KCNQ1: variants seen among roughly 807,000 people sequenced by gnomAD.
The protein encoded by KCNQ1 is potassium voltage-gated channel subfamily Q member 1.
KCNQ1 carries 49 observed loss-of-function variants against 72.4 expected under a neutral mutation model. The ratio of observed to expected loss-of-function variants is 0.68; its 90% CI spans 0.54 to 0.86. KCNQ1 has a LOEUF of 0.86. Ranked by LOEUF, KCNQ1 falls within the 40% of genes least tolerant of loss-of-function variation. The probability of loss-of-function intolerance (pLI) is 0.00; values close to 1 mark genes in which losing one functional copy is unlikely to be tolerated. For synonymous variants in KCNQ1, 450 were observed against 412.6 expected (o/e 1.09, Z -1.10); for missense variants, 790 against 945.1 (o/e 0.84, Z 2.15).
At position 2,612,136 on chromosome 11, in the gene KCNQ1, T is replaced by A. The variant is rs1190286407; in HGVS notation, c.1393+23282T>A. On this transcript the variant is annotated intron_variant, in intron 10 of 15. Coordinates refer to ENST00000155840, the MANE Select transcript of KCNQ1 (RefSeq NM_000218.3). The surrounding 1 kb of genome is among the most constrained non-coding windows in gnomAD (Gnocchi z 5.5). ...CCAGGGCCATGGACTGGTACCAGTC[T>A]GTGGCCTATTAGAAACTGGGCTACA... The A allele has an allele frequency of 5.3e-5, 21 of 398,534 alleles. No homozygotes were observed. Among genetic ancestry groups the A allele is most frequent in the Non-Finnish European group, 2.7e-5 (6 of 226,078 alleles). The allele number at this position is 398,534 out of a possible 1,614,324, so 24.7% of individuals were successfully genotyped here.
rs916771671 is a variant in KCNQ1, at chr11:2,526,601, G to T, written c.387-1327G>T. Among the ~76,000 whole-genome samples the T allele has an allele frequency of 6.6e-6, 1 of 151,718 alleles. No homozygotes were observed. Among genetic ancestry groups the T allele is most frequent in the Non-Finnish European group, 1.5e-5 (1 of 67,912 alleles). On this transcript the variant is annotated intron_variant, in intron 1 of 15. Coordinates refer to ENST00000155840, the MANE Select transcript of KCNQ1 (RefSeq NM_000218.3). This position sits in a 1 kb window ranked among gnomAD's most constrained non-coding sequence, Gnocchi z 6.1. ...AGCCCCACCTTCCCCAGAAACCTCC[G>T]TGCAGCAGGAGGATGAGCCGAGGCA...
intron 13 of KCNQ1, among the ~76,000 whole-genome samples, chr11:2,776,501 C>T (rs983659254): frequency 6.6e-6 from 1 of 152,326 alleles, no homozygotes; most frequent in Non-Finnish European, 1.5e-5. Flanking sequence ...GGGTCTCCCC[C>T]AGACTGGCCT....
At chr11:2,733,809 CA>C in intron 11 of KCNQ1, among the ~76,000 whole-genome samples, 1 of 74,442 alleles carries the variant, frequency 1.3e-5, no homozygotes, top group Non-Finnish European at 3.0e-5. Flanking sequence ...CACACACACA[CA>C]CACACTCTCT....
rs1295104033 is a variant in KCNQ1, at chr11:2,826,090, C to A, written c.1795-21677C>A. Among the ~76,000 whole-genome samples, 1 of 152,260 alleles carries A rather than the reference C, an allele frequency of 6.6e-6. No individual in the cohort carries two copies. The highest frequency in any genetic ancestry group is 6.5e-5 in the Admixed American group (1 of 15,292). On this transcript the variant is annotated intron_variant, in intron 15 of 15. Transcript: ENST00000155840. The surrounding 1 kb of genome is among the most constrained non-coding windows in gnomAD (Gnocchi z 4.2). Reference sequence around the variant, plus strand: ...GTGAGTTATAAGCCTCCACAGCAAGCAGCCTGTTACCTAACCAGGCCTGGC... The same window carrying A: ...GTGAGTTATAAGCCTCCACAGCAAGAAGCCTGTTACCTAACCAGGCCTGGC...
intron 6 of KCNQ1, among the ~76,000 whole-genome samples, chr11:2,575,460 G>T (rs1419350097): frequency 1.3e-5 from 2 of 152,208 alleles, no homozygotes; most frequent in East Asian, 3.9e-4. Context: ...TGAGTTATGG[G>T]CTGTGTTCCT....
chr11:2,661,803 C>T lies in KCNQ1; in HGVS notation c.1394-158C>T, dbSNP rs1849960872. 1 of 847,038 alleles carries T rather than the reference C, an allele frequency of 1.2e-6. No individual in the cohort carries two copies. Among genetic ancestry groups the T allele is most frequent in the Non-Finnish European group, 1.9e-6 (1 of 523,372 alleles). 52.5% of individuals were successfully genotyped at this position (847,038 alleles called of 1,614,324 possible). On this transcript the variant is annotated intron_variant, in intron 10 of 15. Transcript: ENST00000155840. This position sits in a 1 kb window ranked among gnomAD's most constrained non-coding sequence, Gnocchi z 5.9. ...CTTTGGGGCCATCTTAAACACCCAC[C>T]CACCCCAACACCCAACTATAAAACT...
chr11:2,717,223 C>T lies in KCNQ1; in HGVS notation c.1515-51621C>T, dbSNP rs150141372. Among the ~76,000 whole-genome samples the T allele has an allele frequency of 3.5e-3, 530 of 152,262 alleles. 2 individuals carry two copies. Among genetic ancestry groups the T allele is most frequent in the African/African-American group, 0.012 (489 of 41,558 alleles). Reference sequence around the variant, plus strand: ...CTGGCATGGTGTCCCTCAGACCCCACGGCTTGGTCGGGTCACCTGGGCCAT... The same window carrying T: ...CTGGCATGGTGTCCCTCAGACCCCATGGCTTGGTCGGGTCACCTGGGCCAT... On this transcript the variant is annotated intron_variant, in intron 11 of 15. Transcript: ENST00000155840.
chr11:2,558,776 A>T (rs1406739475), intron 2 of KCNQ1, among the ~76,000 whole-genome samples: 1 of 151,650 alleles, frequency 6.6e-6, no homozygotes, highest in Non-Finnish European at 1.5e-5. Flanking sequence ...GAGAGGCCCC[A>T]CTCTCCTCCC....
Position 2,679,035 on chromosome 11 carries a change from G to A in KCNQ1, c.1514+16954G>A, listed in dbSNP as rs1850342537. ...AACATAATCTAAAACTTGTAGCCCA[G>A]CCCCTCCTCCATACCAACCACCAAA... is the stretch of plus-strand genomic sequence containing the variant. On this transcript the variant is annotated intron_variant, in intron 11 of 15. Transcript: ENST00000155840. This position sits in a 1 kb window ranked among gnomAD's most constrained non-coding sequence, Gnocchi z 4.8. 5.0e-6 allele frequency: 2 copies of A among 398,472 alleles called. No homozygotes were observed. The highest frequency in any genetic ancestry group is 8.8e-6 in the Non-Finnish European group (2 of 226,074). The allele number at this position is 398,472 out of a possible 1,614,324, so 24.7% of individuals were successfully genotyped here.
intron 11 of KCNQ1, among the ~76,000 whole-genome samples, chr11:2,709,413 G>A (rs992498004): frequency 8.9e-6 from 1 of 111,866 alleles, no homozygotes; most frequent in African/African-American, 4.0e-5. Flanking sequence ...CTACGGTCCT[G>A]CAGGGCTGTT....
intron 11 of KCNQ1, among the ~76,000 whole-genome samples, chr11:2,721,954 C>A (rs753842900): frequency 7.2e-5 from 11 of 152,188 alleles, no homozygotes; most frequent in African/African-American, 1.2e-4. Context: ...CTGGGGATAC[C>A]CTCACCCCAA....
Position 2,620,071 on chromosome 11 carries a change from C to T in KCNQ1, c.1393+31217C>T, listed in dbSNP as rs1346575040. The T allele has an allele frequency of 2.5e-6, 1 of 398,102 alleles. No individual in the cohort carries two copies. The highest frequency in any genetic ancestry group is 4.4e-5 in the Admixed American group (1 of 22,658). 24.7% of individuals were successfully genotyped at this position (398,102 alleles called of 1,614,324 possible). On this transcript the variant is annotated intron_variant, in intron 10 of 15. Transcript: ENST00000155840. The surrounding 1 kb of genome is among the most constrained non-coding windows in gnomAD (Gnocchi z 4.5). ...CTGATCATCTTTATGTCCATGTTTA[C>T]TCAGTGTTTAGGTCCCACTTGCAAG...
chr11:2,692,348 G>A, intron 11 of KCNQ1: 2 of 398,882 alleles, frequency 5.0e-6, no homozygotes, highest in African/African-American at 4.1e-5. Context: ...TCTCTGTACT[G>A]CAGGCATCTC....
chr11:2,671,227 G>GTCTGACCTCAAA lies in KCNQ1; in HGVS notation c.1514+9148_1514+9149insTGACCTCAAATC. 2.5e-6 allele frequency: 1 copy of GTCTGACCTCAAA among 398,596 alleles called. No individual in the cohort carries two copies. Among genetic ancestry groups the GTCTGACCTCAAA allele is most frequent in the East Asian group, 3.6e-5 (1 of 28,078 alleles). The allele number at this position is 398,596 out of a possible 1,614,324, so 24.7% of individuals were successfully genotyped here. A position where few individuals can be genotyped will look rare whatever the true frequency, so the allele number is the denominator to read the frequency against. On this transcript the variant is annotated intron_variant, in intron 11 of 15. Transcript: ENST00000155840. This position sits in a 1 kb window ranked among gnomAD's most constrained non-coding sequence, Gnocchi z 4.7. ...GGTAGAGAGACAGAGGTAGACAGGA[G>GTCTGACCTCAAA]TCCAGGTCTGACCTCAAAATCCGAT...
Position 2,645,157 on chromosome 11 carries a change from C to T in KCNQ1, c.1394-16804C>T. 3 of 398,660 alleles carry T rather than the reference C, an allele frequency of 7.5e-6. No homozygotes were observed. The highest frequency in any genetic ancestry group is 1.3e-5 in the Non-Finnish European group (3 of 226,106). The allele number at this position is 398,660 out of a possible 1,614,324, so 24.7% of individuals were successfully genotyped here. The stretch of plus-strand genomic sequence containing the variant: ...AGTGGCAGAACAATCTTCTGCCTCC[C>T]AAGGTGTCCATGCTGGTATTGGGAT... On this transcript the variant is annotated intron_variant, in intron 10 of 15. Coordinates refer to ENST00000155840, the MANE Select transcript of KCNQ1 (RefSeq NM_000218.3). This position sits in a 1 kb window ranked among gnomAD's most constrained non-coding sequence, Gnocchi z 5.8.
In KCNQ1 at chr11:2,617,977, C is replaced by G; in HGVS notation, c.1393+29123C>G. On this transcript the variant is annotated intron_variant, in intron 10 of 15. Coordinates refer to ENST00000155840, the MANE Select transcript of KCNQ1 (RefSeq NM_000218.3). This position sits in a 1 kb window ranked among gnomAD's most constrained non-coding sequence, Gnocchi z 4.6. ...GGTTGGCAAATATTTTCTTCTAGTCCATAGGTTGCCTTTTCCTTTTGTTGA... is the reference window on the plus strand; with the variant it reads ...GGTTGGCAAATATTTTCTTCTAGTCGATAGGTTGCCTTTTCCTTTTGTTGA... 2.5e-6 allele frequency: 1 copy of G among 398,424 alleles called. No homozygotes were observed. The highest frequency in any genetic ancestry group is 4.4e-5 in the Admixed American group (1 of 22,710). The allele number at this position is 398,424 out of a possible 1,614,324, so 24.7% of individuals were successfully genotyped here.
At position 2,538,705 on chromosome 11, in the gene KCNQ1, C is replaced by T. The variant is rs928992948; in HGVS notation, c.477+10687C>T. 2.0e-4 allele frequency among the ~76,000 whole-genome samples: 31 copies of T among 151,324 alleles called. No individual in the cohort carries two copies. Among genetic ancestry groups the T allele is most frequent in the East Asian group, 5.9e-4 (3 of 5,126 alleles). On this transcript the variant is annotated intron_variant, in intron 2 of 15. Coordinates refer to ENST00000155840, the MANE Select transcript of KCNQ1 (RefSeq NM_000218.3). This position sits in a 1 kb window ranked among gnomAD's most constrained non-coding sequence, Gnocchi z 6.7. ...TGTGTGGAGGGGCCCTACGGTGAAT[C>T]GTTTTCTGTAACAAAGGCTTCCTCT...
rs756207407 is a variant in KCNQ1 at position 2,536,483 on chromosome 11, G to A, written c.477+8465G>A. The stretch of plus-strand genomic sequence containing the variant: ...CTCAGCAGTTGCCTGGCCTGTGGGG[G>A]CAGAGGACCTGGGGAGACATGCTGA... On this transcript the variant is annotated intron_variant, in intron 2 of 15. Transcript: ENST00000155840. The surrounding 1 kb of genome is among the most constrained non-coding windows in gnomAD (Gnocchi z 7.4). Among the ~76,000 whole-genome samples the A allele has an allele frequency of 5.9e-5, 9 of 152,150 alleles. No homozygotes were observed. The highest frequency in any genetic ancestry group is 1.0e-4 in the Non-Finnish European group (7 of 68,002).
chr11:2,467,739 C>T (rs911407542), intron 1 of KCNQ1, among the ~76,000 whole-genome samples: 8 of 152,312 alleles, frequency 5.3e-5, no homozygotes, highest in Non-Finnish European at 1.0e-4. Context: ...AGCCAGCAGG[C>T]GTGCGTCTTG....
Sources: gnomAD v4.1 joint callset for allele counts (sites outside exome capture counted in the v4.1 genomes callset) on GRCh38, gnomAD v4.1.1 for gene constraint, Gnocchi (gnomAD v3.1) non-coding constraint, MANE v1.5 for transcripts, NCBI Gene and HGNC (gene_info 2026-07-23, HGNC 2026-07-21) for gene names.